LHFPL3: variants seen among roughly 807,000 people sequenced by gnomAD.
The protein encoded by LHFPL3 is LHFPL tetraspan subfamily member 3, also known as LHFPL tetraspan subfamily member 3 protein.
LHFPL3 carries 5 observed loss-of-function variants against 19.3 expected under a neutral mutation model. The observed-to-expected ratio is 0.26, with a 90% confidence interval of 0.14 to 0.54. The LOEUF is 0.54. LHFPL3 is among the 20% of genes least tolerant of loss of function. The probability of loss-of-function intolerance (pLI) is 0.94; values close to 1 mark genes in which losing one functional copy is unlikely to be tolerated. For missense variants in LHFPL3, 249 were observed against 307.4 expected (o/e 0.81, Z 1.42); for synonymous variants, 133 against 126.2 (o/e 1.05, Z -0.36).
At chr7:104,640,000 T>C (rs576614481) in intron 1 of LHFPL3, among the ~76,000 whole-genome samples, 2 of 152,310 alleles carry the variant, frequency 1.3e-5, no homozygotes, top group Non-Finnish European at 2.9e-5. Flanking sequence ...AGTGCCAGCA[T>C]CTGTCATGTC....
intron 1 of LHFPL3, among the ~76,000 whole-genome samples, chr7:104,429,915 C>A (rs1791923148): frequency 6.6e-6 from 1 of 151,964 alleles, no homozygotes; most frequent in Non-Finnish European, 1.5e-5. Context: ...AAGCAATGTG[C>A]CTGCCTGCTG....
At chr7:104,570,993 A>G (rs934523240) in intron 1 of LHFPL3, among the ~76,000 whole-genome samples, 1 of 152,190 alleles carries the variant, frequency 6.6e-6, no homozygotes, top group Non-Finnish European at 1.5e-5. Flanking sequence ...TTACTCAAAC[A>G]TACTGCCCTT....
At chr7:104,404,817 G>C (rs1234319515) in intron 1 of LHFPL3, among the ~76,000 whole-genome samples, 1 of 152,116 alleles carries the variant, frequency 6.6e-6, no homozygotes, top group Non-Finnish European at 1.5e-5. Context: ...TTTGTACTTT[G>C]ATCCTGTGAT....
intron 1 of LHFPL3, among the ~76,000 whole-genome samples, chr7:104,592,826 T>C (rs532708211): frequency 6.6e-6 from 1 of 152,232 alleles, no homozygotes; most frequent in Admixed American, 6.5e-5. Flanking sequence ...CCCCAGCCTC[T>C]CTGCCACCTT....
At chr7:104,513,505 C>T (rs1293756779) in intron 1 of LHFPL3, among the ~76,000 whole-genome samples, 1 of 152,172 alleles carries the variant, frequency 6.6e-6, no homozygotes, top group Non-Finnish European at 1.5e-5. Flanking sequence ...GGAACTGTCC[C>T]TGGTGTTCCT....
At chr7:104,878,815 T>G (rs1028484161) in intron 2 of LHFPL3, among the ~76,000 whole-genome samples, 2 of 152,152 alleles carry the variant, frequency 1.3e-5, no homozygotes, top group Non-Finnish European at 2.9e-5. Flanking sequence ...AAATGGAAAG[T>G]GCTACTCCAG....
At position 104,666,512 on chromosome 7, in the gene LHFPL3, CTTTTTTTTTTT is replaced by C. The variant is rs71155514; in HGVS notation, c.446-70146_446-70136del. Among the ~76,000 whole-genome samples, 5 of 42,212 alleles carry C rather than the reference CTTTTTTTTTTT, an allele frequency of 1.2e-4. 1 individual carries two copies. The highest frequency in any genetic ancestry group is 1.8e-4 in the Non-Finnish European group (4 of 22,200). The allele number at this position is 42,212 out of a possible 152,430, so 27.7% of individuals were successfully genotyped here. ...TTGCTGAAAATGACAGGATTTCATT[CTTTTTTTTTTT>C]TTTTTTTTTTTTTTTTGAGACGGAG... On this transcript the variant is annotated intron_variant, in intron 1 of 2. Transcript: ENST00000424859.
intron 2 of LHFPL3, chr7:104,786,378 A>G (rs1201238388): frequency 6.6e-6 from 1 of 152,210 alleles, no homozygotes; most frequent in African/African-American, 2.4e-5. Flanking sequence ...GAGAATAAGA[A>G]TACCACCTAC....
chr7:104,444,430 C>A (rs961845188), intron 1 of LHFPL3, among the ~76,000 whole-genome samples: 1 of 151,990 alleles, frequency 6.6e-6, no homozygotes, highest in Non-Finnish European at 1.5e-5. Flanking sequence ...TAGAAGACAC[C>A]CCCCTGTATT....
intron 2 of LHFPL3, among the ~76,000 whole-genome samples, chr7:104,890,413 T>C (rs1393217099): frequency 6.6e-6 from 1 of 152,200 alleles, no homozygotes; most frequent in East Asian, 1.9e-4. Flanking sequence ...TCCCCCGCAT[T>C]ACAACGCCCC....
chr7:104,869,600 G>A (rs1267704407), intron 2 of LHFPL3, among the ~76,000 whole-genome samples: 6 of 152,160 alleles, frequency 3.9e-5, no homozygotes, highest in African/African-American at 1.4e-4. Flanking sequence ...AACAGGTGCT[G>A]GAGAGGATGT....
intron 1 of LHFPL3, among the ~76,000 whole-genome samples, chr7:104,719,133 C>A (rs1398675702): frequency 6.6e-6 from 1 of 151,818 alleles, no homozygotes; most frequent in South Asian, 2.1e-4. Flanking sequence ...TTACTGAAAT[C>A]CAAAGAAGTT....
chr7:104,800,453 C>T (rs758439281), intron 2 of LHFPL3, among the ~76,000 whole-genome samples: 16 of 152,194 alleles, frequency 1.1e-4, no homozygotes, highest in Non-Finnish European at 2.2e-4. Context: ...GCCCACTTTC[C>T]TCTTCCTACG....
At chr7:104,801,633 C>T (rs12669981) in intron 2 of LHFPL3, among the ~76,000 whole-genome samples, 25,844 of 152,042 alleles carry the variant, frequency 0.17, 2,538 homozygotes, top group East Asian at 0.46. Flanking sequence ...TGCAGTGGCG[C>T]GATCTCTGCT....
intron 1 of LHFPL3, among the ~76,000 whole-genome samples, chr7:104,359,062 A>G (rs1418688159): frequency 1.3e-5 from 2 of 152,210 alleles, no homozygotes; most frequent in Non-Finnish European, 2.9e-5. Flanking sequence ...CTTCCCCTGG[A>G]TGAGCCTGCA....
chr7:104,590,091 G>GT (rs1790677364), intron 1 of LHFPL3, among the ~76,000 whole-genome samples: 1 of 152,012 alleles, frequency 6.6e-6, no homozygotes, highest in South Asian at 2.1e-4. Flanking sequence ...TTTTTGAAGG[G>GT]TTTTTTGTGT....
At chr7:104,486,996 A>G (rs1025862369) in intron 1 of LHFPL3, among the ~76,000 whole-genome samples, 4 of 151,818 alleles carry the variant, frequency 2.6e-5, no homozygotes, top group African/African-American at 9.7e-5. Flanking sequence ...ATCATTTTGG[A>G]TATGTTTCAT....
chr7:104,904,232 C>T (rs1045660877), intron 2 of LHFPL3, among the ~76,000 whole-genome samples: 17 of 152,044 alleles, frequency 1.1e-4, no homozygotes, highest in African/African-American at 3.4e-4. Flanking sequence ...AATGTGGATA[C>T]GATTTTTTTA....
chr7:104,776,104 A>T (rs922482199), intron 2 of LHFPL3, among the ~76,000 whole-genome samples: 1 of 152,346 alleles, frequency 6.6e-6, no homozygotes, highest in South Asian at 2.1e-4. Flanking sequence ...GTTTTAATCT[A>T]AATGTATCCT....
Sources: gnomAD v4.1 joint callset for allele counts (sites outside exome capture counted in the v4.1 genomes callset) on GRCh38, gnomAD v4.1.1 for gene constraint, MANE v1.5 for transcripts, NCBI Gene and HGNC (gene_info 2026-07-23, HGNC 2026-07-21) for gene names.